The following OAF variants were observed in gnomAD, a reference collection of about 807,000 sequenced individuals.
OAF encodes the protein out at first homolog, also known as out at first protein homolog.
Under a neutral mutation model 22.5 loss-of-function variants are expected in OAF, and 13 were observed. The ratio of observed to expected loss-of-function variants is 0.58; its 90% CI spans 0.38 to 0.92. OAF has a LOEUF of 0.92. Ranked by LOEUF, OAF falls within the 40% of genes least tolerant of loss-of-function variation. The probability of loss-of-function intolerance (pLI) is 0.00; values close to 1 mark genes in which losing one functional copy is unlikely to be tolerated. For missense variants in OAF, 347 were observed against 381.8 expected (o/e 0.91, Z 0.76); for synonymous variants, 175 against 170.5 (o/e 1.03, Z -0.21).
chr11:120,221,192 C>T (rs1478319685), intron 1 of OAF, among the ~76,000 whole-genome samples: 2 of 152,182 alleles, frequency 1.3e-5, no homozygotes, highest in Non-Finnish European at 2.9e-5. Flanking sequence ...AAGTCAGCCT[C>T]CTCCACCATC....
chr11:120,220,166 G>C (rs1938262324), intron 1 of OAF, among the ~76,000 whole-genome samples: 1 of 152,108 alleles, frequency 6.6e-6, no homozygotes, highest in Non-Finnish European at 1.5e-5. Flanking sequence ...CACAACCTCA[G>C]GCAGAGTCTG....
chr11:120,219,997 T>TCA (rs1436406635), intron 1 of OAF, among the ~76,000 whole-genome samples: 1 of 152,338 alleles, frequency 6.6e-6, no homozygotes, highest in East Asian at 1.9e-4. Flanking sequence ...GAGCCCCAGC[T>TCA]GTGCGACAGA....
chr11:120,227,679 A>T (rs1287001768), intron 3 of OAF, among the ~76,000 whole-genome samples: 2 of 151,924 alleles, frequency 1.3e-5, no homozygotes. Context: ...CTTTTCCAGG[A>T]CCGCCCTCAG....
chr11:120,217,784 C>T (rs1026143057), intron 1 of OAF, among the ~76,000 whole-genome samples: 4 of 152,172 alleles, frequency 2.6e-5, no homozygotes, highest in Non-Finnish European at 4.4e-5. Context: ...AACAGAGGCC[C>T]GCGTGGGCAT....
Position 120,225,809 on chromosome 11 carries a change from C to T in OAF, c.366+14C>T. ...AAGCTCCGGCAGGTAAGTGCCCCACCAGGCCTGCCTGGCCCAGGTCCTGAC... is the reference window on the plus strand; with the variant it reads ...AAGCTCCGGCAGGTAAGTGCCCCACTAGGCCTGCCTGGCCCAGGTCCTGAC... On this transcript the variant is annotated intron_variant, in intron 2 of 3. Transcript: ENST00000328965. 1.3e-6 allele frequency: 2 copies of T among 1,594,506 alleles called. No individual in the cohort carries two copies. The highest frequency in any genetic ancestry group is 3.3e-4 in the Middle Eastern group (2 of 5,998).
Position 120,226,946 on chromosome 11 carries a change from T to C in OAF, c.497T>C (p.Val166Ala). The change falls in exon 3 of 4, where the codon GTG becomes GCG. Residue 166 changes from valine (V) to alanine (A), a missense_variant. Physicochemically the swap from Val to Ala is moderately conservative, Grantham distance 64. Coordinates refer to ENST00000328965, the MANE Select transcript of OAF (RefSeq NM_178507.4). The stretch of plus-strand genomic sequence containing the variant: ...CTCCACAACGTGTGTGCCGAGGCCG[T>C]GGATGCCATCTACACCCGCCAGGAG... ...PHLHNVCAEA[V>A]DAIYTRQEDV... is the part of the protein sequence containing the mutation. 1 of 1,609,036 alleles carries C rather than the reference T, an allele frequency of 6.2e-7. No homozygotes were observed. Among genetic ancestry groups the C allele is most frequent in the East Asian group, 2.2e-5 (1 of 44,668 alleles).
At chr11:120,220,498 C>T (rs1938267793) in intron 1 of OAF, among the ~76,000 whole-genome samples, 4 of 152,142 alleles carry the variant, frequency 2.6e-5, no homozygotes, top group African/African-American at 4.8e-5. Context: ...TTTCCTGGCT[C>T]AAGAAGTTGA....
intron 1 of OAF, among the ~76,000 whole-genome samples, chr11:120,224,521 C>T (rs913009917): frequency 2.0e-5 from 3 of 152,150 alleles, no homozygotes; most frequent in African/African-American, 4.8e-5. Context: ...AGTCCCTTGC[C>T]GCATGTATTG....
intron 3 of OAF, among the ~76,000 whole-genome samples, 158 bp from the exon 4 acceptor site, chr11:120,228,710 T>C (rs887616298): frequency 6.6e-6 from 1 of 152,196 alleles, no homozygotes; most frequent in African/African-American, 2.4e-5. Context: ...AACCAGGTCT[T>C]ACCTCTGTGT....
chr11:120,228,037 A>T (rs505142), intron 3 of OAF, among the ~76,000 whole-genome samples: 113,520 of 151,500 alleles, frequency 0.75, 44,872 homozygotes, highest in Non-Finnish European at 0.88. Context: ...GACCTGCCCC[A>T]CTGTGGGTGT....
chr11:120,217,720 AAC>A (rs1938231184), intron 1 of OAF, among the ~76,000 whole-genome samples: 1 of 152,220 alleles, frequency 6.6e-6, no homozygotes, highest in African/African-American at 2.4e-5. Context: ...CACCAGAGAC[AAC>A]AGTGTGATGC....
rs1368115606 is a variant in OAF at position 120,211,207 on chromosome 11, G to A, written c.-73G>A. On this transcript the variant is annotated 5_prime_UTR_variant, in exon 1 of 4. Coordinates refer to ENST00000328965, the MANE Select transcript of OAF (RefSeq NM_178507.4). Reference sequence around the variant, plus strand: ...CGCCCCGAACTAGCCCCCAACTTTGGGCGAAGTTTGCCTGCGCCTCTCCCC... The same window carrying A: ...CGCCCCGAACTAGCCCCCAACTTTGAGCGAAGTTTGCCTGCGCCTCTCCCC... 9.6e-5 allele frequency: 102 copies of A among 1,066,054 alleles called. No homozygotes were observed. Among genetic ancestry groups the A allele is most frequent in the Non-Finnish European group, 1.2e-4 (101 of 859,270 alleles). The allele number at this position is 1,066,054 out of a possible 1,614,324, so 66.0% of individuals were successfully genotyped here.
In OAF at chr11:120,226,896, C is replaced by T; in HGVS notation, c.447C>T (p.Ser149=). ...ACATGGATGTCGCTGTCAACTTCAG[C>T]CAGGGGGCCCTGCTGAGCCCCCATC... ...HLHMDVAVNF[S]QGALLSPHLH... The change falls in exon 3 of 4, where the codon AGC becomes AGT. Residue 149 remains serine (S), a synonymous_variant. Transcript: ENST00000328965. The T allele has an allele frequency of 6.2e-7, 1 of 1,612,662 alleles. No homozygotes were observed. Among genetic ancestry groups the T allele is most frequent in the Non-Finnish European group, 8.5e-7 (1 of 1,178,954 alleles).
At chr11:120,225,029 G>A (rs911832813) in intron 1 of OAF, among the ~76,000 whole-genome samples, 4 of 152,198 alleles carry the variant, frequency 2.6e-5, no homozygotes, top group African/African-American at 9.6e-5. Flanking sequence ...GACCCCATGG[G>A]GGAAAGGGGA....
At chr11:120,216,010 G>A (rs1938206815) in intron 1 of OAF, among the ~76,000 whole-genome samples, 1 of 152,188 alleles carries the variant, frequency 6.6e-6, no homozygotes, top group South Asian at 2.1e-4. Flanking sequence ...AGCCCTGGAG[G>A]GAATAAGCAA....
chr11:120,211,338 T>A lies in OAF; in HGVS notation c.59T>A (p.Leu20His). The change falls in exon 1 of 4, where the codon CTC becomes CAC. Residue 20 changes from leucine (L) to histidine (H), a missense_variant. Coordinates refer to ENST00000328965, the MANE Select transcript of OAF (RefSeq NM_178507.4). ...RPALLLLLPL[L>H]APLLGTGAPA... The stretch of plus-strand genomic sequence containing the variant: ...GCGCTGCTGCTGCTGCTGCCGCTGC[T>A]CGCGCCGCTGCTGGGAACGGGTGCG... 7.1e-7 allele frequency: 1 copy of A among 1,410,108 alleles called. No homozygotes were observed. The highest frequency in any genetic ancestry group is 9.3e-7 in the Non-Finnish European group (1 of 1,080,116). The allele number at this position is 1,410,108 out of a possible 1,614,324, so 87.3% of individuals were successfully genotyped here.
In OAF at chr11:120,225,618, T is replaced by A. The variant is rs550224922; in HGVS notation, c.232-43T>A. 2.7e-5 allele frequency: 41 copies of A among 1,528,830 alleles called. 1 individual carries two copies. The South Asian group carries it at 5.0e-4, about 19-fold the overall frequency. 94.7% of individuals were successfully genotyped at this position (1,528,830 alleles called of 1,614,324 possible). On this transcript the variant is annotated intron_variant, in intron 1 of 3. Coordinates refer to ENST00000328965, the MANE Select transcript of OAF (RefSeq NM_178507.4). ...AGCACCCGGTGGGCCAGTGGGAAGG[T>A]CCCACACCCTCCAGCCGTTCCCATC...
intron 1 of OAF, among the ~76,000 whole-genome samples, chr11:120,216,793 A>G (rs1938218385): frequency 1.3e-5 from 2 of 152,222 alleles, no homozygotes; most frequent in African/African-American, 4.8e-5. Flanking sequence ...CCCAAGGCAC[A>G]GAGAGGTGGT....
Position 120,211,184 on chromosome 11 carries a change from C to A in OAF, c.-96C>A. On this transcript the variant is annotated 5_prime_UTR_variant, in exon 1 of 4. Transcript: ENST00000328965. ...CCCCCGGCGGAGCGGCTCCCGGGCG[C>A]CCCGAACTAGCCCCCAACTTTGGGC... The A allele has an allele frequency of 1.4e-6, 1 of 727,102 alleles. No homozygotes were observed. Among genetic ancestry groups the A allele is most frequent in the Non-Finnish European group, 1.8e-6 (1 of 553,742 alleles). The allele number at this position is 727,102 out of a possible 1,614,324, so 45.0% of individuals were successfully genotyped here. A position where few individuals can be genotyped will look rare whatever the true frequency, so the allele number is the denominator to read the frequency against.
Sources: gnomAD v4.1 joint callset for allele counts (sites outside exome capture counted in the v4.1 genomes callset) on GRCh38, gnomAD v4.1.1 for gene constraint, MANE v1.5 for transcripts, NCBI Gene and HGNC (gene_info 2026-07-23, HGNC 2026-07-21) for gene names.